The following GTF3C1 variants were observed in gnomAD, a reference collection of about 807,000 sequenced individuals.
GTF3C1 encodes the protein general transcription factor 3C polypeptide 1.
In GTF3C1, 57 loss-of-function variants were observed where a neutral mutation model predicts 226.7. That is an observed-to-expected ratio of 0.25 (90% CI 0.20 to 0.31). GTF3C1 has a LOEUF of 0.31. Ranked by LOEUF, GTF3C1 falls within the 10% of genes least tolerant of loss-of-function variation. GTF3C1 has a pLI of 1.00. For missense variants in GTF3C1, 2,217 were observed against 2,776.1 expected (o/e 0.80, Z 4.53); for synonymous variants, 1,090 against 1,084.8 (o/e 1.00, Z -0.09).
At chr16:27,502,373 C>G (rs1442859963) in intron 11 of GTF3C1, among the ~76,000 whole-genome samples, 1 of 152,178 alleles carries the variant, frequency 6.6e-6, no homozygotes, top group African/African-American at 2.4e-5. Context: ...TTACAAGAAC[C>G]ACATCAGAGT....
chr16:27,536,306 T>C (rs923375730), intron 4 of GTF3C1, among the ~76,000 whole-genome samples: 2 of 152,214 alleles, frequency 1.3e-5, no homozygotes, highest in East Asian at 1.9e-4. Context: ...TCAAAAGTTA[T>C]GTGTAGCTGG....
chr16:27,462,241 C>T lies in GTF3C1; in HGVS notation c.6117+53G>A. On this transcript the variant is annotated intron_variant, in intron 36 of 36. Transcript: ENST00000356183. This position sits in a 1 kb window ranked among gnomAD's most constrained non-coding sequence, Gnocchi z 4.5. ...GGGCCTGAACATCACAGCCGGGCCA[C>T]TGAGTGCACCCAGCCGCCTCCACAC... The T allele has an allele frequency of 7.5e-7, 1 of 1,334,896 alleles. No homozygotes were observed. Among genetic ancestry groups the T allele is most frequent in the Non-Finnish European group, 1.0e-6 (1 of 967,424 alleles). The allele number at this position is 1,334,896 out of a possible 1,614,324, so 82.7% of individuals were successfully genotyped here. A position where few individuals can be genotyped will look rare whatever the true frequency, so the allele number is the denominator to read the frequency against.
Position 27,538,163 on chromosome 16 carries a change from C to G in GTF3C1, c.608+17G>C, listed in dbSNP as rs770820407. The G allele has an allele frequency of 4.0e-6, 6 of 1,511,922 alleles. No individual in the cohort carries two copies. In the African/African-American group the frequency reaches 7.0e-5, roughly 18 times the overall value. The allele number at this position is 1,511,922 out of a possible 1,614,324, so 93.7% of individuals were successfully genotyped here. ...TGACATATAATTTAAAGCAGAGAAG[C>G]AAATCCCCCCACTTACTTGAAAGCA... On this transcript the variant is annotated intron_variant, in intron 3 of 36. Coordinates refer to ENST00000356183, the MANE Select transcript of GTF3C1 (RefSeq NM_001520.4).
chr16:27,476,174 G>A (rs528322276), intron 29 of GTF3C1, among the ~76,000 whole-genome samples: 46 of 152,224 alleles, frequency 3.0e-4, no homozygotes, highest in Non-Finnish European at 6.3e-4. Flanking sequence ...GTACTATGTG[G>A]GGTGATGGAT....
intron 8 of GTF3C1, 83 bp downstream of exon 8, chr16:27,508,457 C>G (rs1332742713): frequency 1.8e-6 from 2 of 1,092,142 alleles, no homozygotes; most frequent in Non-Finnish European, 2.8e-6. Flanking sequence ...GCCATCGAGT[C>G]TTCTGACTGA....
At chr16:27,532,862 A>G (rs903792006) in intron 5 of GTF3C1, among the ~76,000 whole-genome samples, 2 of 152,220 alleles carry the variant, frequency 1.3e-5, no homozygotes, top group Admixed American at 1.3e-4. Flanking sequence ...AGCTGGGCAC[A>G]GTGGCTCACC....
rs1171756659 is a variant in GTF3C1, at chr16:27,508,671, C to T, written c.1127-16G>A. The stretch of plus-strand genomic sequence containing the variant: ...CTGCGCTCAACTGTGAGAAACAATA[C>T]ACGTGAACCCAAACCGCTGCAAAGG... On this transcript the variant is annotated splice_polypyrimidine_tract_variant and intron_variant, in intron 7 of 36. Transcript: ENST00000356183. The T allele has an allele frequency of 1.6e-5, 25 of 1,582,850 alleles. No homozygotes were observed. Among genetic ancestry groups the T allele is most frequent in the African/African-American group, 5.4e-5 (4 of 74,308 alleles).
At chr16:27,543,073 A>G (rs1053231978) in intron 2 of GTF3C1, among the ~76,000 whole-genome samples, 1 of 152,160 alleles carries the variant, frequency 6.6e-6, no homozygotes, top group Admixed American at 6.5e-5. Context: ...CTAGACAAAG[A>G]GCCTTTAGAA....
Position 27,462,737 on chromosome 16 carries a change from C to T in GTF3C1, c.5925-251G>A. 1 of 477,826 alleles carries T rather than the reference C, an allele frequency of 2.1e-6. No homozygotes were observed. The allele number at this position is 477,826 out of a possible 1,614,324, so 29.6% of individuals were successfully genotyped here. Reference sequence around the variant, plus strand: ...TAGCTGTAACTGAGGCCTCAGTGGGCCCACCCACATTGGCAGGAGAGGGAC... The same window carrying T: ...TAGCTGTAACTGAGGCCTCAGTGGGTCCACCCACATTGGCAGGAGAGGGAC... On this transcript the variant is annotated intron_variant, in intron 35 of 36. Transcript: ENST00000356183. This position sits in a 1 kb window ranked among gnomAD's most constrained non-coding sequence, Gnocchi z 4.5.
rs755467631 is a variant in GTF3C1 at position 27,549,864 on chromosome 16, G to A, written c.27C>T (p.Asp9=). The A allele has an allele frequency of 1.9e-6, 3 of 1,612,498 alleles. No individual in the cohort carries two copies. Among genetic ancestry groups the A allele is most frequent in the South Asian group, 1.1e-5 (1 of 91,060 alleles). ...CATCGAGCCCCTCCAGAGCGACTTC[G>A]TCCAACAACGACTCCAGCGCGTCCA... MDALESLL[D]EVALEGLDGL... Residue 9 remains aspartate (D), a synonymous_variant, in exon 1 of 37, where the codon GAC becomes GAT. Transcript: ENST00000356183.
Position 27,461,770 on chromosome 16 carries a change from G to A in GTF3C1, c.6118-208C>T, listed in dbSNP as rs989365024. ...GGAGAGGCAGCTGCCTGAGCAGCAC[G>A]TGTACAGCGCTGGCTGGAGCCACCA... On this transcript the variant is annotated intron_variant, in intron 36 of 36. Transcript: ENST00000356183. The surrounding 1 kb of genome is among the most constrained non-coding windows in gnomAD (Gnocchi z 5.3). The A allele has an allele frequency of 1.7e-5, 10 of 590,636 alleles. No individual in the cohort carries two copies. The highest frequency in any genetic ancestry group is 7.4e-5 in the African/African-American group (4 of 53,744). 36.6% of individuals were successfully genotyped at this position (590,636 alleles called of 1,614,324 possible).
chr16:27,512,873 G>C (rs1247849449), intron 6 of GTF3C1, among the ~76,000 whole-genome samples: 2 of 152,178 alleles, frequency 1.3e-5, no homozygotes, highest in African/African-American at 4.8e-5. Context: ...CTGACAGCTT[G>C]TAAGTGACGG....
In GTF3C1 at chr16:27,461,654, C is replaced by A; in HGVS notation, c.6118-92G>T. ...GCATTTATGGAATGCCCCCTCTGTA[C>A]CAGGGAGCCACTTCCCAGAGCAGGG... On this transcript the variant is annotated intron_variant, in intron 36 of 36. Transcript: ENST00000356183. This position sits in a 1 kb window ranked among gnomAD's most constrained non-coding sequence, Gnocchi z 5.3. The A allele has an allele frequency of 2.1e-6, 2 of 950,132 alleles. No homozygotes were observed. Among genetic ancestry groups the A allele is most frequent in the African/African-American group, 3.2e-5 (2 of 62,556 alleles). The allele number at this position is 950,132 out of a possible 1,614,324, so 58.9% of individuals were successfully genotyped here.
At position 27,471,990 on chromosome 16, in the gene GTF3C1, G is replaced by A. The variant is rs563808657; in HGVS notation, c.4354-70C>T. ...CACGGAGAGGGCTGGGGTATGTGGA[G>A]GCAGAGGCTGCGGCTGATGCTTTAT... On this transcript the variant is annotated intron_variant, in intron 29 of 36. Transcript: ENST00000356183. The surrounding 1 kb of genome is among the most constrained non-coding windows in gnomAD (Gnocchi z 5.0). 1.9e-5 allele frequency: 26 copies of A among 1,385,304 alleles called. No homozygotes were observed. The African/African-American group carries it at 2.0e-4, about 11-fold the overall frequency. 85.8% of individuals were successfully genotyped at this position (1,385,304 alleles called of 1,614,324 possible).
At chr16:27,548,785 C>T (rs755418305) in intron 1 of GTF3C1, among the ~76,000 whole-genome samples, 1 of 152,208 alleles carries the variant, frequency 6.6e-6, no homozygotes, top group Admixed American at 6.5e-5. Context: ...TGAATTTAAT[C>T]TCCTGTTTAA....
intron 26 of GTF3C1, chr16:27,482,414 C>G: frequency 2.2e-6 from 1 of 449,010 alleles, no homozygotes; most frequent in South Asian, 1.6e-5. Context: ...CATTGCTGAG[C>G]CTCCTCCCTG....
intron 2 of GTF3C1, among the ~76,000 whole-genome samples, chr16:27,542,139 G>C (rs1300402028): frequency 6.6e-6 from 1 of 152,210 alleles, no homozygotes; most frequent in Non-Finnish European, 1.5e-5. Context: ...CTGGGGCCTA[G>C]AAGAGTCCCA....
chr16:27,464,063 C>T (rs1481406718), intron 34 of GTF3C1: 1 of 443,846 alleles, frequency 2.3e-6, no homozygotes, highest in Non-Finnish European at 3.9e-6. Context: ...AGTGCACACG[C>T]TGGCCCCACC....
chr16:27,506,990 C>T lies in GTF3C1; in HGVS notation c.1409G>A (p.Gly470Asp), dbSNP rs1176810306. 6.2e-7 allele frequency: 1 copy of T among 1,613,906 alleles called. No individual in the cohort carries two copies. Among genetic ancestry groups the T allele is most frequent in the South Asian group, 1.1e-5 (1 of 91,058 alleles). ...SMQEESLLPE[G>D]EDTFLSESDS... ...CGACTCAGAGAGGAAGGTGTCCTCG[C>T]CTTCAGGCAGAAGCGACTCCTCCTG... Residue 470 changes from glycine (G) to aspartate (D), a missense_variant, in exon 9 of 37, where the codon GGC (glycine) becomes GAC (aspartate). Gly to Asp is a moderately conservative substitution (Grantham distance 94). Coordinates refer to ENST00000356183, the MANE Select transcript of GTF3C1 (RefSeq NM_001520.4).
Sources: allele counts gnomAD v4.1 joint callset (sites outside exome capture counted in the v4.1 genomes callset), GRCh38; gene constraint gnomAD v4.1.1; non-coding constraint Gnocchi (gnomAD v3.1); transcripts MANE v1.5; gene names NCBI Gene and HGNC (gene_info 2026-07-23, HGNC 2026-07-21).